The following ARID1B variants were observed in gnomAD, a reference collection of about 807,000 sequenced individuals.
The protein encoded by ARID1B is AT-rich interactive domain-containing protein 1B.
ARID1B carries 30 observed loss-of-function variants against 212.3 expected under a neutral mutation model. That is an observed-to-expected ratio of 0.14 (90% CI 0.11 to 0.19). The LOEUF is 0.19. Ranked by LOEUF, ARID1B falls within the 10% of genes least tolerant of loss-of-function variation. ARID1B has a pLI of 1.00. For synonymous variants in ARID1B, 1,402 were observed against 1,301.7 expected, an observed-to-expected ratio of 1.08 and a Z score of -1.66; for missense variants, 2,891 against 3,204.0, an observed-to-expected ratio of 0.90 and a Z score of 2.36.
chr6:156,815,459 TCCTTTCTC>T lies in ARID1B; in HGVS notation c.1792-13757_1792-13750del, dbSNP rs371512690. 2.3e-3 allele frequency among the ~76,000 whole-genome samples: 344 copies of T among 152,322 alleles called. 1 individual carries two copies. Among genetic ancestry groups the T allele is most frequent in the African/African-American group, 7.6e-3 (317 of 41,572 alleles). The stretch of plus-strand genomic sequence containing the variant: ...GATAATGTAACTTCTTTAGTTTTCC[TCCTTTCTC>T]CCTTTCTCCCCACACCCATTTTTAA... On this transcript the variant is annotated intron_variant, in intron 1 of 19. Coordinates refer to ENST00000636930, the MANE Select transcript of ARID1B (RefSeq NM_001374828.1).
chr6:156,982,843 T>C (rs1777687628), intron 4 of ARID1B, among the ~76,000 whole-genome samples: 1 of 152,238 alleles, frequency 6.6e-6, no homozygotes, highest in African/African-American at 2.4e-5. Flanking sequence ...ATTATCTGTT[T>C]CTTCTGAATT....
chr6:157,072,514 CTGT>C (rs1182626918), intron 4 of ARID1B: 4 of 152,116 alleles, frequency 2.6e-5, no homozygotes, highest in Admixed American at 2.0e-4. Flanking sequence ...TGTTTATTTT[CTGT>C]TGTTACTTGA....
At chr6:156,786,365 A>G (rs1374643802) in intron 1 of ARID1B, among the ~76,000 whole-genome samples, 1 of 151,972 alleles carries the variant, frequency 6.6e-6, no homozygotes, top group Non-Finnish European at 1.5e-5. Flanking sequence ...AACTTCAGAA[A>G]TTCTTTGTAT....
intron 6 of ARID1B, chr6:157,119,659 G>C (rs1402536142): frequency 6.6e-6 from 1 of 152,490 alleles, no homozygotes; most frequent in Non-Finnish European, 1.5e-5. Flanking sequence ...AACAAATGAA[G>C]GAAGCATAAC....
At chr6:156,954,910 T>C (rs1299287950) in intron 4 of ARID1B, among the ~76,000 whole-genome samples, 1 of 152,260 alleles carries the variant, frequency 6.6e-6, no homozygotes, top group African/African-American at 2.4e-5. Context: ...AAATGTGATA[T>C]CCACAACCAA....
At position 157,201,765 on chromosome 6, in the gene ARID1B, G is replaced by C. The variant is rs574958406; in HGVS notation, c.5263+277G>C. Reference sequence around the variant, plus strand: ...GTGGATCACGAGGTCACGAGATCGAGACCATCCTGGATAACACGGTGAAAT... The same window carrying C: ...GTGGATCACGAGGTCACGAGATCGACACCATCCTGGATAACACGGTGAAAT... On this transcript the variant is annotated intron_variant, in intron 18 of 19. Coordinates refer to ENST00000636930, the MANE Select transcript of ARID1B (RefSeq NM_001374828.1). The surrounding 1 kb of genome is among the most constrained non-coding windows in gnomAD (Gnocchi z 5.2). Among the ~76,000 whole-genome samples the C allele has an allele frequency of 7.3e-4, 111 of 152,254 alleles. No individual in the cohort carries two copies. The highest frequency in any genetic ancestry group is 2.6e-3 in the African/African-American group (106 of 41,548).
chr6:157,175,804 A>G (rs973201097), intron 11 of ARID1B: 1 of 151,810 alleles, frequency 6.6e-6, no homozygotes, highest in Non-Finnish European at 1.5e-5. Context: ...ATTAGAGAGA[A>G]AAAAAAAATG....
intron 16 of ARID1B, 137 bp downstream of exon 16, chr6:157,196,452 A>G: frequency 8.7e-7 from 1 of 1,143,130 alleles, no homozygotes; most frequent in Non-Finnish European, 1.2e-6. Flanking sequence ...TAAAGAGGCA[A>G]TGGCTGCTGG....
At chr6:157,084,966 C>T in intron 5 of ARID1B, 61 bp downstream of exon 5, 1 of 1,534,852 alleles carries the variant, frequency 6.5e-7, no homozygotes, top group African/African-American at 1.4e-5. Context: ...TCATGTTCAT[C>T]AACAGTAACT....
At chr6:156,929,794 GC>G (rs1210236814) in intron 3 of ARID1B, among the ~76,000 whole-genome samples, 2 of 152,240 alleles carry the variant, frequency 1.3e-5, no homozygotes, top group Admixed American at 1.3e-4. Context: ...GCATCTAGAG[GC>G]CTCCTCACTG....
chr6:157,206,140 C>A lies in ARID1B; in HGVS notation c.5395-27C>A. 1 of 1,609,248 alleles carries A rather than the reference C, an allele frequency of 6.2e-7. No homozygotes were observed. Among genetic ancestry groups the A allele is most frequent in the Non-Finnish European group, 8.5e-7 (1 of 1,177,106 alleles). ...TGTCATGACATTGTACCTGTTCTTT[C>A]TTTCTTCTCCTCCTCCTCCTCTCCA... is the stretch of plus-strand genomic sequence containing the variant. On this transcript the variant is annotated intron_variant, in intron 19 of 19. Transcript: ENST00000636930. This position sits in a 1 kb window ranked among gnomAD's most constrained non-coding sequence, Gnocchi z 6.8.
At chr6:157,102,126 A>G (rs1786085459) in intron 5 of ARID1B, among the ~76,000 whole-genome samples, 1 of 152,134 alleles carries the variant, frequency 6.6e-6, no homozygotes, top group Non-Finnish European at 1.5e-5. Flanking sequence ...TTCTTTTTCT[A>G]TAGTTGTATA....
At chr6:156,837,667 A>AT (rs1783605443) in intron 2 of ARID1B, among the ~76,000 whole-genome samples, 1 of 152,200 alleles carries the variant, frequency 6.6e-6, no homozygotes. Context: ...AGGAACTTTA[A>AT]AAGTTAAATC....
At chr6:157,188,073 G>A (rs994785665) in intron 13 of ARID1B, among the ~76,000 whole-genome samples, 3 of 152,032 alleles carry the variant, frequency 2.0e-5, no homozygotes, top group Admixed American at 1.3e-4. Context: ...TTGTAAGTAT[G>A]AGTGAATACA....
chr6:156,996,583 G>A (rs1401835170), intron 4 of ARID1B, among the ~76,000 whole-genome samples: 1 of 152,172 alleles, frequency 6.6e-6, no homozygotes, highest in Non-Finnish European at 1.5e-5. Flanking sequence ...ATCAAAATAT[G>A]TAAAAGTATT....
intron 4 of ARID1B, among the ~76,000 whole-genome samples, chr6:157,000,440 T>G (rs1778842320): frequency 6.6e-6 from 1 of 152,298 alleles, no homozygotes; most frequent in South Asian, 2.1e-4. Context: ...AAACATCCTG[T>G]GTACTATGAA....
intron 2 of ARID1B, among the ~76,000 whole-genome samples, chr6:156,853,517 G>A (rs1751533676): frequency 6.6e-6 from 1 of 151,982 alleles, no homozygotes; most frequent in African/African-American, 2.4e-5. Context: ...CTCCTCCCAC[G>A]TGTGCTTTTT....
In ARID1B at chr6:157,001,661, T is replaced by C. The variant is rs563127961; in HGVS notation, c.2247+66085T>C. Among the ~76,000 whole-genome samples the C allele has an allele frequency of 1.3e-4, 20 of 152,262 alleles. No homozygotes were observed. In the South Asian group the frequency reaches 3.9e-3, roughly 30 times the overall value. On this transcript the variant is annotated intron_variant, in intron 4 of 19. Transcript: ENST00000636930. The stretch of plus-strand genomic sequence containing the variant: ...AGCTATATGTGGGTTTTTATTTATA[T>C]TGACAAAAACAGAAAACAAAATGAG...
intron 5 of ARID1B, among the ~76,000 whole-genome samples, chr6:157,087,086 A>T (rs1785011003): frequency 6.6e-6 from 1 of 152,154 alleles, no homozygotes; most frequent in South Asian, 2.1e-4. Flanking sequence ...TCTGTAGCCG[A>T]CCTCTATATG....
Sources: allele counts gnomAD v4.1 joint callset (sites outside exome capture counted in the v4.1 genomes callset), GRCh38; gene constraint gnomAD v4.1.1; non-coding constraint Gnocchi (gnomAD v3.1); transcripts MANE v1.5; gene names NCBI Gene and HGNC (gene_info 2026-07-23, HGNC 2026-07-21).